The following CADPS2 variants were observed in gnomAD, a reference collection of about 807,000 sequenced individuals.
The protein encoded by CADPS2 is calcium-dependent secretion activator 2.
A neutral mutation model predicts 172.5 loss-of-function variants in CADPS2; 93 were observed. The ratio of observed to expected loss-of-function variants is 0.54; its 90% CI spans 0.46 to 0.64. The LOEUF (loss-of-function observed/expected upper bound fraction) is 0.64, where lower values mean the gene tolerates loss of function less well. CADPS2 is among the 30% of genes least tolerant of loss of function. The pLI is 0.00. For missense variants in CADPS2, 1,420 were observed against 1,565.9 expected, an observed-to-expected ratio of 0.91 and a Z score of 1.57; for synonymous variants, 546 against 555.2, an observed-to-expected ratio of 0.98 and a Z score of 0.23.
chr7:122,755,345 AT>A (rs1292389467), intron 1 of CADPS2, among the ~76,000 whole-genome samples: 2 of 152,212 alleles, frequency 1.3e-5, no homozygotes, highest in Non-Finnish European at 1.5e-5. Flanking sequence ...ACTAGGGCAT[AT>A]AACTACCAGA....
chr7:122,418,070 T>C (rs990822144), intron 17 of CADPS2, among the ~76,000 whole-genome samples: 6 of 151,574 alleles, frequency 4.0e-5, no homozygotes, highest in African/African-American at 1.2e-4. Flanking sequence ...CTCAGGAGGC[T>C]GAGGCAGGAG....
intron 1 of CADPS2, among the ~76,000 whole-genome samples, chr7:122,780,968 T>G (rs1792552321): frequency 6.6e-6 from 1 of 152,172 alleles, no homozygotes; most frequent in Non-Finnish European, 1.5e-5. Flanking sequence ...TATGTGGGAG[T>G]GCTGAGTCAA....
intron 1 of CADPS2, among the ~76,000 whole-genome samples, chr7:122,761,268 A>C (rs1264257923): frequency 6.6e-6 from 1 of 152,186 alleles, no homozygotes; most frequent in African/African-American, 2.4e-5. Context: ...CACAATGTTA[A>C]AAAGAAAGCT....
At chr7:122,825,861 C>A (rs1012569898) in intron 1 of CADPS2, among the ~76,000 whole-genome samples, 1 of 152,152 alleles carries the variant, frequency 6.6e-6, no homozygotes, top group Non-Finnish European at 1.5e-5. Context: ...AGTTTGCCCA[C>A]GTCCCCTCCA....
chr7:122,393,182 T>C lies in CADPS2; in HGVS notation c.3008+14A>G, dbSNP rs781154562. ...AGCTAACACACCACCAGGAAATAAG[T>C]GAGGAATACACACGTGGACTCATAT... On this transcript the variant is annotated intron_variant, in intron 22 of 29. Transcript: ENST00000449022. 3.7e-6 allele frequency: 6 copies of C among 1,612,032 alleles called. No individual in the cohort carries two copies. Among genetic ancestry groups the C allele is most frequent in the Non-Finnish European group, 5.1e-6 (6 of 1,179,294 alleles).
At chr7:122,323,412 ATAAT>A (rs969053318) in intron 29 of CADPS2, among the ~76,000 whole-genome samples, 8 of 152,194 alleles carry the variant, frequency 5.3e-5, no homozygotes, top group South Asian at 2.1e-4. Context: ...ATGTCACTAT[ATAAT>A]TAATAAAATT....
chr7:122,512,224 T>C (rs1015957995), intron 9 of CADPS2, among the ~76,000 whole-genome samples: 1 of 152,160 alleles, frequency 6.6e-6, no homozygotes, highest in Non-Finnish European at 1.5e-5. Context: ...AATTGATGGA[T>C]GGCTGTACGT....
chr7:122,658,378 C>T (rs1345446610), intron 3 of CADPS2, among the ~76,000 whole-genome samples: 1 of 152,106 alleles, frequency 6.6e-6, no homozygotes, highest in African/African-American at 2.4e-5. Context: ...GACCAGCCAT[C>T]CCATTACTGG....
chr7:122,380,149 T>A (rs2042823043), intron 24 of CADPS2, among the ~76,000 whole-genome samples: 1 of 149,612 alleles, frequency 6.7e-6, no homozygotes, highest in East Asian at 2.0e-4. Flanking sequence ...CCTGAAAGAC[T>A]TTTTTTTTTC....
chr7:122,479,493 T>C (rs780686734), intron 12 of CADPS2, among the ~76,000 whole-genome samples: 4 of 152,240 alleles, frequency 2.6e-5, no homozygotes, highest in Non-Finnish European at 5.9e-5. Context: ...CCATGTTTTA[T>C]GTATACATAC....
At chr7:122,339,021 C>T (rs532677474) in intron 28 of CADPS2, 1 of 151,480 alleles carries the variant, frequency 6.6e-6, no homozygotes, top group African/African-American at 2.4e-5. Flanking sequence ...TCACGTTGAC[C>T]TCTTGAAGTG....
At chr7:122,867,437 T>G (rs1443622829) in intron 1 of CADPS2, among the ~76,000 whole-genome samples, 3 of 152,080 alleles carry the variant, frequency 2.0e-5, no homozygotes, top group African/African-American at 7.2e-5. Flanking sequence ...GCACACTAAC[T>G]CCACCCTGAG....
chr7:122,406,589 G>T (rs1445613702), intron 20 of CADPS2, among the ~76,000 whole-genome samples: 1 of 152,152 alleles, frequency 6.6e-6, no homozygotes, highest in East Asian at 1.9e-4. Flanking sequence ...ATGGAGTGAG[G>T]TCTATTCAGG....
chr7:122,406,621 T>C (rs1244512293), intron 20 of CADPS2, among the ~76,000 whole-genome samples: 4 of 152,114 alleles, frequency 2.6e-5, no homozygotes, highest in Admixed American at 1.3e-4. Context: ...AGAATGGCAA[T>C]GGGCACGAAA....
chr7:122,828,846 A>G (rs2140525449), intron 1 of CADPS2, among the ~76,000 whole-genome samples: 1 of 152,272 alleles, frequency 6.6e-6, no homozygotes, highest in East Asian at 1.9e-4. Flanking sequence ...ATAATATTCT[A>G]AGCCATGGGT....
intron 1 of CADPS2, among the ~76,000 whole-genome samples, chr7:122,879,211 T>C (rs1822179876): frequency 7.1e-6 from 1 of 141,036 alleles, no homozygotes; most frequent in Admixed American, 7.5e-5. Context: ...CACTCTGGCC[T>C]GGGCAACAGA....
At chr7:122,388,804 G>T in intron 22 of CADPS2, 66 bp from the exon 23 acceptor site, 2 of 1,362,150 alleles carry the variant, frequency 1.5e-6, no homozygotes, top group Non-Finnish European at 1.9e-6. Context: ...TTAATACATT[G>T]TTTTTTCTTT....
At chr7:122,351,369 T>C (rs2038568471) in intron 27 of CADPS2, among the ~76,000 whole-genome samples, 1 of 15,042 alleles carries the variant, frequency 6.6e-5, no homozygotes, top group African/African-American at 6.5e-4. Context: ...CGAGACTCCG[T>C]CTCAAAAAAA....
chr7:122,399,275 T>A (rs192327352), intron 20 of CADPS2, among the ~76,000 whole-genome samples: 1 of 152,176 alleles, frequency 6.6e-6, no homozygotes, highest in Admixed American at 6.5e-5. Context: ...GTTATTTGTG[T>A]ATATATGTGC....
Sources: gnomAD v4.1 joint callset for allele counts (sites outside exome capture counted in the v4.1 genomes callset) on GRCh38, gnomAD v4.1.1 for gene constraint, MANE v1.5 for transcripts, NCBI Gene and HGNC (gene_info 2026-07-23, HGNC 2026-07-21) for gene names.